The following MAP2K3 variants were observed in gnomAD, a reference collection of about 807,000 sequenced individuals.
MAP2K3 encodes dual specificity mitogen-activated protein kinase kinase 3.
A neutral mutation model predicts 46.4 loss-of-function variants in MAP2K3; 30 were observed. The observed-to-expected ratio is 0.65, with a 90% CI of 0.48 to 0.88. The LOEUF (loss-of-function observed/expected upper bound fraction) is 0.88. MAP2K3 is among the 40% of genes least tolerant of loss of function. MAP2K3 has a pLI of 0.00. For synonymous variants in MAP2K3, 189 were observed against 176.3 expected, an observed-to-expected ratio of 1.07 and a Z score of -0.57; for missense variants, 380 against 464.5, an observed-to-expected ratio of 0.82 and a Z score of 1.67.
chr17:21,287,832 G>A (rs923626799), intron 1 of MAP2K3, among the ~76,000 whole-genome samples: 17 of 152,256 alleles, frequency 1.1e-4, no homozygotes, highest in African/African-American at 3.9e-4. Flanking sequence ...TTGGACTGTG[G>A]CTGTAGGACT....
chr17:21,311,426 A>G (rs1420776625), intron 9 of MAP2K3, among the ~76,000 whole-genome samples: 1 of 151,956 alleles, frequency 6.6e-6, no homozygotes, highest in Non-Finnish European at 1.5e-5. Flanking sequence ...GCGAGGACAG[A>G]GACCCACCGG....
chr17:21,303,101 G>C, intron 6 of MAP2K3, 82 bp from the exon 7 acceptor site: 2 of 1,569,216 alleles, frequency 1.3e-6, no homozygotes, highest in Non-Finnish European at 1.7e-6. Flanking sequence ...GGACATGGAT[G>C]GGGTCTTACT....
intron 1 of MAP2K3, chr17:21,288,088 G>C: frequency 7.8e-7 from 1 of 1,289,268 alleles, no homozygotes; most frequent in Non-Finnish European, 1.0e-6. Flanking sequence ...GGAGGCTTCC[G>C]GCGGTGAGTC....
chr17:21,285,362 G>A (rs1177779998), intron 1 of MAP2K3: 14 of 830,298 alleles, frequency 1.7e-5, no homozygotes, highest in Non-Finnish European at 2.0e-5. Context: ...GGGTCCTTGG[G>A]CAGCACCCAG....
Position 21,298,461 on chromosome 17 carries a change from C to A in MAP2K3, c.98C>A (p.Pro33Gln), listed in dbSNP as rs1391649195. The change falls in exon 2 of 12, where the codon CCA becomes CAA. Residue 33 changes from proline to glutamine, a missense_variant. Physicochemically the swap from Pro to Gln is moderately conservative, Grantham distance 76. Coordinates refer to ENST00000342679, the MANE Select transcript of MAP2K3 (RefSeq NM_145109.3). ...KDLRISCMSK[P>Q]PAPNPTPPRN... ...CTACGGATATCCTGCATGTCCAAGC[C>A]ACCCGCACCCAACCCCACGTGAGTC... The A allele has an allele frequency of 2.5e-6, 4 of 1,614,314 alleles. No homozygotes were observed. In the South Asian group the frequency reaches 3.3e-5, roughly 13 times the overall value.
chr17:21,314,377 G>A lies in MAP2K3; in HGVS notation c.*147G>A, dbSNP rs2144676491. The A allele has an allele frequency of 2.7e-6, 2 of 727,882 alleles. No individual in the cohort carries two copies. Among genetic ancestry groups the A allele is most frequent in the South Asian group, 3.3e-5 (2 of 61,180 alleles). 45.1% of individuals were successfully genotyped at this position (727,882 alleles called of 1,614,324 possible). A position where few individuals can be genotyped will look rare whatever the true frequency, so the allele number is the denominator to read the frequency against. On this transcript the variant is annotated 3_prime_UTR_variant, in exon 12 of 12. Transcript: ENST00000342679. ...GGGGCTGCTCCCACCTGGCTCTGTGGCGAGCCATTTGTCCCAAGTGCCAAA... is the reference window on the plus strand; with the variant it reads ...GGGGCTGCTCCCACCTGGCTCTGTGACGAGCCATTTGTCCCAAGTGCCAAA...
chr17:21,314,081 G>A, intron 11 of MAP2K3, 66 bp from the exon 12 acceptor site: 1 of 1,272,480 alleles, frequency 7.9e-7, no homozygotes, highest in Admixed American at 1.7e-5. Flanking sequence ...GAGCTGGTTG[G>A]GGAAGAGTGG....
chr17:21,285,356 C>G (rs954844814), intron 1 of MAP2K3: 1 of 870,548 alleles, frequency 1.1e-6, no homozygotes, highest in African/African-American at 1.8e-5. Context: ...TCACCTGGGT[C>G]CTTGGGCAGC....
In MAP2K3 at chr17:21,304,526, G is replaced by C. The variant is rs139594289; in HGVS notation, c.669G>C (p.Met223Ile). ...GYLVDSVAKTMDAGCKPYMAP... is the reference protein window; with the variant it reads ...GYLVDSVAKTIDAGCKPYMAP... ...TGGTGGACTCTGTGGCCAAGACGATGGATGCCGGCTGCAAGCCCTACATGG... is the reference window on the plus strand; with the variant it reads ...TGGTGGACTCTGTGGCCAAGACGATCGATGCCGGCTGCAAGCCCTACATGG... The change falls in exon 8 of 12, where the codon ATG becomes ATC. Residue 223 changes from methionine to isoleucine, a missense_variant. Physicochemically the swap from Met to Ile is conservative, Grantham distance 10. Coordinates refer to ENST00000342679, the MANE Select transcript of MAP2K3 (RefSeq NM_145109.3). The C allele has an allele frequency of 5.5e-4, 880 of 1,612,914 alleles. No homozygotes were observed. Among genetic ancestry groups the C allele is most frequent in the Non-Finnish European group, 6.5e-4 (764 of 1,178,770 alleles).
rs559385935 is a variant in MAP2K3, at chr17:21,298,625, C to G, written c.116+146C>G. ...CCCTGCTGTGCATACAGCCAGGTGA[C>G]GGCTGCTGGGGGTTCATGCAGCACC... On this transcript the variant is annotated intron_variant, in intron 2 of 11. Coordinates refer to ENST00000342679, the MANE Select transcript of MAP2K3 (RefSeq NM_145109.3). The G allele has an allele frequency of 3.0e-5, 41 of 1,345,682 alleles. No individual in the cohort carries two copies. In the African/African-American group the frequency reaches 4.9e-4, roughly 16 times the overall value. 83.4% of individuals were successfully genotyped at this position (1,345,682 alleles called of 1,614,324 possible). A position where few individuals can be genotyped will look rare whatever the true frequency, so the allele number is the denominator to read the frequency against.
intron 1 of MAP2K3, among the ~76,000 whole-genome samples, chr17:21,292,103 C>A (rs1318368092): frequency 6.6e-6 from 1 of 152,312 alleles, no homozygotes; most frequent in Non-Finnish European, 1.5e-5. Context: ...TCCTGGGGCC[C>A]CTGGTGTCAG....
intron 8 of MAP2K3, among the ~76,000 whole-genome samples, 196 bp downstream of exon 8, chr17:21,304,749 C>T (rs1459205876): frequency 6.6e-6 from 1 of 152,312 alleles, no homozygotes; most frequent in African/African-American, 2.4e-5. Flanking sequence ...CTGACCCCCA[C>T]AGTGCCCCAG....
intron 2 of MAP2K3, 130 bp from the exon 3 acceptor site, chr17:21,298,748 G>A (rs941177897): frequency 5.1e-6 from 7 of 1,359,480 alleles, no homozygotes; most frequent in African/African-American, 1.4e-5. Context: ...AGAGGAGGTG[G>A]CCGGAGAAGG....
intron 1 of MAP2K3, among the ~76,000 whole-genome samples, chr17:21,292,209 A>G (rs1975979236): frequency 6.6e-6 from 1 of 152,302 alleles, no homozygotes; most frequent in Admixed American, 6.5e-5. Context: ...CCCTTCAGAC[A>G]GAGGAGAGTG....
At chr17:21,288,979 G>A (rs1384596348) in intron 1 of MAP2K3, among the ~76,000 whole-genome samples, 1 of 152,258 alleles carries the variant, frequency 6.6e-6, no homozygotes, top group African/African-American at 2.4e-5. Context: ...GGTAGTGGTC[G>A]AGATTGAAGA....
At chr17:21,302,063 C>A in intron 5 of MAP2K3, 80 bp from the exon 6 acceptor site, 3 of 1,393,420 alleles carry the variant, frequency 2.2e-6, no homozygotes, top group Middle Eastern at 1.8e-4. Context: ...GGGGCTGGGG[C>A]TGGTGCTGGG....
intron 10 of MAP2K3, among the ~76,000 whole-genome samples, chr17:21,312,618 A>T (rs1340842843): frequency 6.6e-6 from 1 of 152,214 alleles, no homozygotes; most frequent in Non-Finnish European, 1.5e-5. Context: ...GGAGCCTTAT[A>T]AAAATCATGT....
intron 1 of MAP2K3, chr17:21,295,794 G>C: frequency 1.5e-3 from 1 of 650 alleles, no homozygotes; most frequent in Non-Finnish European, 2.0e-3. Context: ...GCTTGGTGAA[G>C]GGGGGGCCAC....
intron 5 of MAP2K3, among the ~76,000 whole-genome samples, chr17:21,301,341 G>T (rs1008613029): frequency 5.3e-5 from 8 of 152,306 alleles, no homozygotes; most frequent in African/African-American, 1.9e-4. Flanking sequence ...GCCCAAGCAG[G>T]CAACGGCCAT....
Sources: allele counts gnomAD v4.1 joint callset (sites outside exome capture counted in the v4.1 genomes callset), GRCh38; gene constraint gnomAD v4.1.1; transcripts MANE v1.5; gene names NCBI Gene and HGNC (gene_info 2026-07-23, HGNC 2026-07-21).